PIK3R6: variants seen among roughly 807,000 people sequenced by gnomAD.
The protein encoded by PIK3R6 is phosphoinositide-3-kinase regulatory subunit 6, also known as phosphoinositide 3-kinase regulatory subunit 6.
PIK3R6 carries 91 observed loss-of-function variants against 84.9 expected under a neutral mutation model. The ratio of observed to expected loss-of-function variants is 1.07; its 90% CI spans 0.90 to 1.28. The LOEUF (loss-of-function observed/expected upper bound fraction) is 1.28. PIK3R6 is among the 50% of genes most tolerant of loss of function. The probability of loss-of-function intolerance (pLI) is 0.00; values close to 1 mark genes in which losing one functional copy is unlikely to be tolerated. For missense variants in PIK3R6, 996 were observed against 985.1 expected (o/e 1.01, Z -0.15); for synonymous variants, 416 against 411.4 (o/e 1.01, Z -0.13).
In PIK3R6 at chr17:8,833,013, G is replaced by A. The variant is rs17740805; in HGVS notation, c.678C>T (p.Phe226=). 0.034 allele frequency: 54,162 copies of A among 1,608,948 alleles called. 1,044 individuals are homozygous for A. The highest frequency in any genetic ancestry group is 0.04 in the Non-Finnish European group (46,861 of 1,179,002). The change falls in exon 9 of 20, where the codon TTC becomes TTT. Residue 226 remains phenylalanine, a synonymous_variant. Transcript: ENST00000619866. The stretch of plus-strand genomic sequence containing the variant: ...GCTCCAAGGCGGCCACCACGGCGTG[G>A]AAATAGTGCTCCAGGGTGCGGCGAG... ...ASPRRTLEHY[F]HAVVAALEQM... is the part of the protein sequence containing the mutation.
At chr17:8,820,215 G>A (rs535525349) in intron 17 of PIK3R6, among the ~76,000 whole-genome samples, 22 of 151,310 alleles carry the variant, frequency 1.5e-4, no homozygotes, top group African/African-American at 5.1e-4. Flanking sequence ...GTCCCTCCCT[G>A]CCAACTAAAG....
In PIK3R6 at chr17:8,836,587, C is replaced by T. The variant is rs770369942; in HGVS notation, c.421G>A (p.Glu141Lys). The T allele has an allele frequency of 3.2e-5, 52 of 1,613,832 alleles. No homozygotes were observed. The highest frequency in any genetic ancestry group is 5.5e-5 in the South Asian group (5 of 91,064). The change falls in exon 7 of 20, where the codon GAA (glutamate) becomes AAA (lysine). Residue 141 changes from glutamate to lysine, a missense_variant. By Grantham distance (56) the Glu-to-Lys change is moderately conservative (BLOSUM62 1). Transcript: ENST00000619866. ...GTLYQRMVIA[E>K]QNLTNELYPY... ...TACAGCTCATTCGTCAAGTTCTGTT[C>T]GGCAATGACCATCCTTTGGTACAGT...
chr17:8,855,094 G>A (rs2089090608), intron 1 of PIK3R6, among the ~76,000 whole-genome samples: 1 of 152,116 alleles, frequency 6.6e-6, no homozygotes, highest in South Asian at 2.1e-4. Context: ...TCAGGAGGCT[G>A]AGGCAGGAGA....
intron 7 of PIK3R6, 143 bp from the exon 8 acceptor site, chr17:8,835,599 TG>T (rs1227737122): frequency 4.3e-6 from 3 of 701,410 alleles, no homozygotes; most frequent in Non-Finnish European, 6.7e-6. Flanking sequence ...CAAAAGTCTC[TG>T]GGTGGGATGA....
At chr17:8,861,181 C>CAAAA (rs35125812) in intron 1 of PIK3R6, among the ~76,000 whole-genome samples, 7 of 95,548 alleles carry the variant, frequency 7.3e-5, no homozygotes, top group Non-Finnish European at 1.0e-4. Flanking sequence ...GACTCTGTCT[C>CAAAA]AAAAAAAAAA....
At chr17:8,827,678 T>C (rs1233273751) in intron 12 of PIK3R6, among the ~76,000 whole-genome samples, 1 of 149,996 alleles carries the variant, frequency 6.7e-6, no homozygotes, top group Non-Finnish European at 1.5e-5. Context: ...CAATTTCCTT[T>C]CATGTCATAC....
intron 1 of PIK3R6, among the ~76,000 whole-genome samples, chr17:8,855,729 T>C (rs1354677341): frequency 1.3e-5 from 2 of 152,244 alleles, no homozygotes; most frequent in Non-Finnish European, 2.9e-5. Context: ...TCTCATACGT[T>C]ACTGGTGAGA....
At chr17:8,847,258 C>A (rs1239934735) in intron 2 of PIK3R6, among the ~76,000 whole-genome samples, 1 of 152,130 alleles carries the variant, frequency 6.6e-6, no homozygotes, top group Non-Finnish European at 1.5e-5. Context: ...GCCCCCAGTA[C>A]CCAGATGCAC....
Position 8,803,657 on chromosome 17 carries a change from C to T in PIK3R6, c.2109-228G>A, listed in dbSNP as rs1369741234. ...AGCAAGTAACTCTGCGCATGCCTCC[C>T]TTACCCAAACACACCTCCCGAGGGG... On this transcript the variant is annotated intron_variant, in intron 19 of 19. Transcript: ENST00000619866. The surrounding 1 kb of genome is among the most constrained non-coding windows in gnomAD (Gnocchi z 5.0). 1.1e-5 allele frequency: 6 copies of T among 560,768 alleles called. No individual in the cohort carries two copies. The Admixed American group carries it at 2.0e-4, about 19-fold the overall frequency. 34.7% of individuals were successfully genotyped at this position (560,768 alleles called of 1,614,324 possible). A position where few individuals can be genotyped will look rare whatever the true frequency, so the allele number is the denominator to read the frequency against.
chr17:8,838,753 G>A, intron 3 of PIK3R6, 98 bp from the exon 4 acceptor site: 2 of 1,168,042 alleles, frequency 1.7e-6, no homozygotes, highest in Non-Finnish European at 2.4e-6. Context: ...CTCAGCTGCA[G>A]CTCTGACCAG....
At chr17:8,837,031 G>T (rs1471323314) in intron 5 of PIK3R6, 108 bp from the exon 6 acceptor site, 2 of 849,546 alleles carry the variant, frequency 2.4e-6, no homozygotes, top group East Asian at 5.3e-5. Flanking sequence ...CTTGGGAGAA[G>T]AGGTGGAAGG....
At position 8,821,907 on chromosome 17, in the gene PIK3R6, G is replaced by A. The variant is rs376589693; in HGVS notation, c.1818C>T (p.Val606=). Residue 606 remains valine, a synonymous_variant, in exon 17 of 20, where the codon GTC becomes GTT. Transcript: ENST00000619866. ...GCCCAGTGGCCCGCAGGGAAACGGTGACCTCTCGGGGCCGGTGGCTAAGCA... is the reference window on the plus strand; with the variant it reads ...GCCCAGTGGCCCGCAGGGAAACGGTAACCTCTCGGGGCCGGTGGCTAAGCA... ...KALLSHRPRE[V]TVSLRATGLI... is the part of the protein sequence containing the mutation. The A allele has an allele frequency of 8.0e-5, 127 of 1,591,940 alleles. No individual in the cohort carries two copies. Among genetic ancestry groups the A allele is most frequent in the Admixed American group, 1.4e-4 (8 of 56,900 alleles).
intron 13 of PIK3R6, among the ~76,000 whole-genome samples, chr17:8,826,082 T>C (rs2087905737): frequency 6.6e-6 from 1 of 152,198 alleles, no homozygotes; most frequent in Non-Finnish European, 1.5e-5. Context: ...CCACCACTCA[T>C]TCTGTGACTT....
At chr17:8,808,606 T>C (rs2087269455) in intron 18 of PIK3R6, among the ~76,000 whole-genome samples, 1 of 152,214 alleles carries the variant, frequency 6.6e-6, no homozygotes, top group South Asian at 2.1e-4. Flanking sequence ...GTTTGTGGTA[T>C]TGTGGGACAT....
chr17:8,836,019 G>A lies in PIK3R6; in HGVS notation c.461+528C>T, dbSNP rs142245490. Among the ~76,000 whole-genome samples, 1,012 of 152,246 alleles carry A rather than the reference G, an allele frequency of 6.6e-3. 2 individuals carry two copies. Among genetic ancestry groups the A allele is most frequent in the Non-Finnish European group, 0.011 (735 of 68,008 alleles). Reference sequence around the variant, plus strand: ...GCCTTTCAGGGCCAAGTTAGTGGAGGTGCCTGCAGAAGAGGGAGGTGCCGC... The same window carrying A: ...GCCTTTCAGGGCCAAGTTAGTGGAGATGCCTGCAGAAGAGGGAGGTGCCGC... On this transcript the variant is annotated intron_variant, in intron 7 of 19. Coordinates refer to ENST00000619866, the MANE Select transcript of PIK3R6 (RefSeq NM_001010855.4).
At position 8,829,699 on chromosome 17, in the gene PIK3R6, C is replaced by A. The variant is rs1188196666; in HGVS notation, c.889+7G>T. 2 of 1,551,496 alleles carry A rather than the reference C, an allele frequency of 1.3e-6. No homozygotes were observed. The highest frequency in any genetic ancestry group is 2.7e-5 in the African/African-American group (2 of 73,062). On this transcript the variant is annotated splice_region_variant and intron_variant, in intron 10 of 19. Coordinates refer to ENST00000619866, the MANE Select transcript of PIK3R6 (RefSeq NM_001010855.4). The stretch of plus-strand genomic sequence containing the variant: ...CACTGTTTCCAGACAGCTCCATGGG[C>A]ACGTACAGAGCTGCTCCTCACCGGT...
At chr17:8,837,761 T>TACA in intron 5 of PIK3R6, 42 bp downstream of exon 5, 1 of 1,538,176 alleles carries the variant, frequency 6.5e-7, no homozygotes, top group Non-Finnish European at 9.0e-7. Flanking sequence ...CCCAGCCACA[T>TACA]GCAGGTCACC....
chr17:8,821,854 T>A lies in PIK3R6; in HGVS notation c.1871A>T (p.Asp624Val). The A allele has an allele frequency of 6.3e-7, 1 of 1,594,622 alleles. No individual in the cohort carries two copies. The highest frequency in any genetic ancestry group is 1.3e-5 in the African/African-American group (1 of 74,720). Residue 624 changes from aspartate to valine, a missense_variant, in exon 17 of 20, where the codon GAC (aspartate) becomes GTC (valine). By Grantham distance (152) the Asp-to-Val change is radical. Coordinates refer to ENST00000619866, the MANE Select transcript of PIK3R6 (RefSeq NM_001010855.4). ...GLILKAIPASDTEVSGSSHCP... is the reference protein window; with the variant it reads ...GLILKAIPASVTEVSGSSHCP... Reference sequence around the variant, plus strand: ...CATTCCCCATTCCTCACCTTCTGTGTCGCTGGCTGGAATGGCCTTCAGGAT... The same window carrying A: ...CATTCCCCATTCCTCACCTTCTGTGACGCTGGCTGGAATGGCCTTCAGGAT...
chr17:8,803,898 C>A lies in PIK3R6; in HGVS notation c.2108+143G>T. 4.2e-6 allele frequency: 3 copies of A among 705,922 alleles called. No homozygotes were observed. The South Asian group carries it at 5.3e-5, about 12-fold the overall frequency. 43.7% of individuals were successfully genotyped at this position (705,922 alleles called of 1,614,324 possible). On this transcript the variant is annotated intron_variant, in intron 19 of 19. Transcript: ENST00000619866. This position sits in a 1 kb window ranked among gnomAD's most constrained non-coding sequence, Gnocchi z 5.0. ...GCATAGGGCAGTGGCCTCTGTCCAT[C>A]CTCACCAAGGTTACCTGCCTGGCCA...
Sources: allele counts gnomAD v4.1 joint callset (sites outside exome capture counted in the v4.1 genomes callset), GRCh38; gene constraint gnomAD v4.1.1; non-coding constraint Gnocchi (gnomAD v3.1); transcripts MANE v1.5; gene names NCBI Gene and HGNC (gene_info 2026-07-23, HGNC 2026-07-21).